SH3D19: variants seen among roughly 807,000 people sequenced by gnomAD.
SH3D19 encodes the protein SH3 domain containing 19, also known as SH3 domain-containing protein 19.
In SH3D19, 58 loss-of-function variants were observed where a neutral mutation model predicts 112.1. The observed-to-expected ratio is 0.52, with a 90% CI of 0.42 to 0.64. SH3D19 has a LOEUF of 0.64. Among genes scored for constraint, SH3D19 ranks in the 30% least tolerant of loss-of-function variants. SH3D19 has a pLI of 0.00. For missense variants in SH3D19, 1,090 were observed against 1,263.4 expected, an observed-to-expected ratio of 0.86 and a Z score of 2.08; for synonymous variants, 391 against 448.5, an observed-to-expected ratio of 0.87 and a Z score of 1.62.
At chr4:151,280,861 T>G (rs749920081) in intron 1 of SH3D19, among the ~76,000 whole-genome samples, 3 of 152,072 alleles carry the variant, frequency 2.0e-5, no homozygotes, top group Admixed American at 2.0e-4. Flanking sequence ...TAAAAAAAAT[T>G]TATTTCCAAC....
chr4:151,195,402 A>C (rs2149872337), intron 2 of SH3D19, among the ~76,000 whole-genome samples: 1 of 140,898 alleles, frequency 7.1e-6, no homozygotes, highest in Middle Eastern at 3.5e-3. Context: ...AAAAAAGAAA[A>C]AGAAAAAAAG....
At chr4:151,281,317 A>C (rs1329300955) in intron 1 of SH3D19, among the ~76,000 whole-genome samples, 1 of 152,228 alleles carries the variant, frequency 6.6e-6, no homozygotes, top group Non-Finnish European at 1.5e-5. Context: ...CAGGAGAAGC[A>C]AAACGTTTTA....
intron 1 of SH3D19, among the ~76,000 whole-genome samples, chr4:151,284,215 T>C (rs1197344723): frequency 1.3e-5 from 2 of 152,202 alleles, no homozygotes; most frequent in Non-Finnish European, 2.9e-5. Context: ...CATAAACTTG[T>C]TAAGTTATAC....
chr4:151,296,405 A>G (rs948640851), intron 1 of SH3D19, among the ~76,000 whole-genome samples: 5 of 152,210 alleles, frequency 3.3e-5, no homozygotes, highest in African/African-American at 1.2e-4. Context: ...GAAAAAGATC[A>G]ATAAACATTT....
rs547725487 is a variant in SH3D19 at position 151,204,186 on chromosome 4, C to T, written c.153-16723G>A. On this transcript the variant is annotated intron_variant, in intron 2 of 19. Coordinates refer to ENST00000604030, the MANE Select transcript of SH3D19 (RefSeq NM_001378122.1). ...AATTAGCATAACACTGAACTGTAAA[C>T]ACTGAGTGACAGTATTGTTAGCAAA... 8.5e-4 allele frequency among the ~76,000 whole-genome samples: 130 copies of T among 152,228 alleles called. 1 individual carries two copies. Among genetic ancestry groups the T allele is most frequent in the Middle Eastern group, 6.8e-3 (2 of 294 alleles).
At chr4:151,228,491 C>T (rs376624334) in intron 1 of SH3D19, among the ~76,000 whole-genome samples, 5 of 151,700 alleles carry the variant, frequency 3.3e-5, no homozygotes, top group Non-Finnish European at 7.4e-5. Flanking sequence ...GTGTGTGTTG[C>T]GTATCTGTGT....
chr4:151,236,172 C>A (rs1020294915), intron 1 of SH3D19, among the ~76,000 whole-genome samples: 3 of 152,276 alleles, frequency 2.0e-5, no homozygotes, highest in Non-Finnish European at 2.9e-5. Flanking sequence ...CAGCCTGCCG[C>A]TGCGCTGTGG....
intron 1 of SH3D19, among the ~76,000 whole-genome samples, chr4:151,303,301 A>ATTT (rs1457269749): frequency 3.3e-5 from 5 of 152,230 alleles, no homozygotes; most frequent in Non-Finnish European, 5.9e-5. Context: ...AGGAAACACA[A>ATTT]TTATACACTC....
At chr4:151,249,346 G>C (rs1486102476) in intron 1 of SH3D19, among the ~76,000 whole-genome samples, 1 of 152,164 alleles carries the variant, frequency 6.6e-6, no homozygotes, top group Non-Finnish European at 1.5e-5. Flanking sequence ...GTATTAGAAA[G>C]TTATCAAGTG....
chr4:151,294,676 A>T (rs1488238635), intron 1 of SH3D19, among the ~76,000 whole-genome samples: 1 of 152,258 alleles, frequency 6.6e-6, no homozygotes, highest in Non-Finnish European at 1.5e-5. Flanking sequence ...CCCACCATGT[A>T]CCAGGTACCA....
chr4:151,143,640 T>C (rs924833008), intron 12 of SH3D19, among the ~76,000 whole-genome samples: 2 of 151,928 alleles, frequency 1.3e-5, no homozygotes, highest in South Asian at 2.1e-4. Context: ...GTTTTTTTTT[T>C]CCAAGACATA....
At chr4:151,312,728 G>A (rs1345251742) in intron 1 of SH3D19, among the ~76,000 whole-genome samples, 1 of 151,768 alleles carries the variant, frequency 6.6e-6, no homozygotes. Flanking sequence ...GAAGAACCCC[G>A]TCTCTACTAA....
At chr4:151,313,457 C>T (rs1229598213) in intron 1 of SH3D19, among the ~76,000 whole-genome samples, 1 of 151,962 alleles carries the variant, frequency 6.6e-6, no homozygotes, top group East Asian at 1.9e-4. Context: ...CACTCTGTCA[C>T]CCAGGCTGGA....
In SH3D19 at chr4:151,162,598, CTTT is replaced by C. The variant is rs57420317; in HGVS notation, c.1642+2988_1642+2990del. ...AAAGTCCTACTTACAAGATTGGTCC[CTTT>C]TTTTTTTTTTTTTTTTGAGTTTCGC... On this transcript the variant is annotated intron_variant, in intron 8 of 19. Coordinates refer to ENST00000604030, the MANE Select transcript of SH3D19 (RefSeq NM_001378122.1). Among the ~76,000 whole-genome samples, 184 of 131,040 alleles carry C rather than the reference CTTT, an allele frequency of 1.4e-3. No homozygotes were observed. In the East Asian group the frequency reaches 0.016, roughly 11 times the overall value. The allele number at this position is 131,040 out of a possible 152,430, so 86.0% of individuals were successfully genotyped here. A position where few individuals can be genotyped will look rare whatever the true frequency, so the allele number is the denominator to read the frequency against.
chr4:151,147,260 C>A (rs868000536), intron 11 of SH3D19, among the ~76,000 whole-genome samples: 9 of 152,082 alleles, frequency 5.9e-5, no homozygotes, highest in Non-Finnish European at 8.8e-5. Context: ...AATGACACTC[C>A]ATCTCTTAAA....
chr4:151,214,528 G>A (rs1766630860), intron 2 of SH3D19, among the ~76,000 whole-genome samples: 1 of 134,654 alleles, frequency 7.4e-6, no homozygotes, highest in Non-Finnish European at 1.6e-5. Context: ...TTCCCAGTAG[G>A]GGCGGCCGGG....
chr4:151,237,929 C>T (rs1224411043), intron 1 of SH3D19, among the ~76,000 whole-genome samples: 1 of 152,054 alleles, frequency 6.6e-6, no homozygotes, highest in African/African-American at 2.4e-5. Flanking sequence ...CCTATTTTTC[C>T]TTTTCTTTCT....
chr4:151,137,131 T>C (rs1717786344), intron 14 of SH3D19, among the ~76,000 whole-genome samples: 1 of 152,228 alleles, frequency 6.6e-6, no homozygotes, highest in African/African-American at 2.4e-5. Context: ...CACATAGGAA[T>C]GCTTTCACAA....
chr4:151,228,482 T>A (rs9991362), intron 1 of SH3D19, among the ~76,000 whole-genome samples: 2,795 of 152,208 alleles, frequency 0.018, 82 homozygotes, highest in African/African-American at 0.063. Context: ...AATAATGGGG[T>A]GTGTGTTGCG....
Sources: gnomAD v4.1 joint callset for allele counts (sites outside exome capture counted in the v4.1 genomes callset) on GRCh38, gnomAD v4.1.1 for gene constraint, MANE v1.5 for transcripts, NCBI Gene and HGNC (gene_info 2026-07-23, HGNC 2026-07-21) for gene names.